The following SH3PXD2A variants were observed in gnomAD, a reference collection of about 807,000 sequenced individuals.
The protein encoded by SH3PXD2A is SH3 and PX domain-containing protein 2A.
Under a neutral mutation model 115.2 loss-of-function variants are expected in SH3PXD2A, and 32 were observed. That is an observed-to-expected ratio of 0.28 (90% CI 0.21 to 0.37). The LOEUF (loss-of-function observed/expected upper bound fraction) is 0.37, where lower values mean the gene tolerates loss of function less well. SH3PXD2A is among the 10% of genes least tolerant of loss of function. SH3PXD2A has a pLI of 1.00. For synonymous variants in SH3PXD2A, 610 were observed against 629.1 expected (o/e 0.97, Z 0.45); for missense variants, 1,328 against 1,498.7 (o/e 0.89, Z 1.88).
At chr10:103,831,119 T>C (rs1203444199) in intron 1 of SH3PXD2A, among the ~76,000 whole-genome samples, 1 of 152,260 alleles carries the variant, frequency 6.6e-6, no homozygotes, top group Non-Finnish European at 1.5e-5. Context: ...TGAATAATTT[T>C]TAATTTACAT....
chr10:103,815,607 T>G (rs552389866), intron 1 of SH3PXD2A, among the ~76,000 whole-genome samples: 1 of 152,008 alleles, frequency 6.6e-6, no homozygotes, highest in East Asian at 1.9e-4. Context: ...AGAAAAATAC[T>G]GGGCCAGGTG....
rs1243054425 is a variant in SH3PXD2A at position 103,746,370 on chromosome 10, A to G, written c.230-10562T>C. ...GGTCTTGCTCTGTTGCCCAGCCTGG[A>G]GTGCAGGGGAGTGATCTCGGCTCAC... On this transcript the variant is annotated intron_variant, in intron 3 of 14. Transcript: ENST00000369774. The surrounding 1 kb of genome is among the most constrained non-coding windows in gnomAD (Gnocchi z 4.4). 6.6e-6 allele frequency among the ~76,000 whole-genome samples: 1 copy of G among 152,040 alleles called. No individual in the cohort carries two copies. The highest frequency in any genetic ancestry group is 6.5e-5 in the Admixed American group (1 of 15,276).
Position 103,615,485 on chromosome 10 carries a change from T to G in SH3PXD2A, c.920+1712A>C, listed in dbSNP as rs372229763. ...AAGGGCGCGATGGAGAGTGCGAGGG[T>G]GTGTGTGTGTGTGTGTGTGTGTGTG... On this transcript the variant is annotated intron_variant, in intron 11 of 14. Coordinates refer to ENST00000369774, the MANE Select transcript of SH3PXD2A (RefSeq NM_001394015.1). 8.1e-4 allele frequency among the ~76,000 whole-genome samples: 24 copies of G among 29,506 alleles called. No homozygotes were observed. In the East Asian group the frequency reaches 8.9e-3, roughly 11 times the overall value. The allele number at this position is 29,506 out of a possible 152,430, so 19.4% of individuals were successfully genotyped here.
intron 3 of SH3PXD2A, among the ~76,000 whole-genome samples, chr10:103,753,091 A>C (rs1171099478): frequency 6.6e-6 from 1 of 152,108 alleles, no homozygotes; most frequent in Non-Finnish European, 1.5e-5. Flanking sequence ...ACCCTGGTGC[A>C]GGCAACATAC....
intron 2 of SH3PXD2A, among the ~76,000 whole-genome samples, chr10:103,769,185 C>CGT (rs1323435183): frequency 2.0e-5 from 3 of 148,654 alleles, no homozygotes; most frequent in South Asian, 2.1e-4. Context: ...TGTGTGTGCG[C>CGT]GCGCGCGCGC....
At chr10:103,822,716 C>G (rs917237222) in intron 1 of SH3PXD2A, among the ~76,000 whole-genome samples, 5 of 152,128 alleles carry the variant, frequency 3.3e-5, no homozygotes, top group African/African-American at 1.2e-4. Flanking sequence ...GAGAATACCC[C>G]CTCTCTCCAA....
At chr10:103,773,129 C>T (rs1343465056) in intron 2 of SH3PXD2A, among the ~76,000 whole-genome samples, 3 of 149,480 alleles carry the variant, frequency 2.0e-5, no homozygotes, top group Non-Finnish European at 4.4e-5. Context: ...GAGGCTGAGG[C>T]AGGTGAATCG....
intron 3 of SH3PXD2A, among the ~76,000 whole-genome samples, chr10:103,742,086 C>T (rs777546340): frequency 9.2e-5 from 14 of 152,312 alleles, no homozygotes; most frequent in Non-Finnish European, 1.8e-4. Context: ...GGGGTTGAGG[C>T]TGCACTGAGT....
At position 103,598,083 on chromosome 10, in the gene SH3PXD2A, G is replaced by A. The variant is rs559767818; in HGVS notation, c.*3733C>T. 1.3e-4 allele frequency: 20 copies of A among 152,726 alleles called. No individual in the cohort carries two copies. Among genetic ancestry groups the A allele is most frequent in the Admixed American group, 4.6e-4 (7 of 15,304 alleles). The allele number at this position is 152,726 out of a possible 1,614,324, so 9.5% of individuals were successfully genotyped here. A position where few individuals can be genotyped will look rare whatever the true frequency, so the allele number is the denominator to read the frequency against. ...ATGGATATAAATGCCTGTAAAATAC[G>A]CTGCTCTAACATCTGAAAGTGATTA... On this transcript the variant is annotated 3_prime_UTR_variant, in exon 15 of 15. Transcript: ENST00000369774.
At chr10:103,640,786 C>T (rs1035007183) in intron 8 of SH3PXD2A, among the ~76,000 whole-genome samples, 1 of 152,092 alleles carries the variant, frequency 6.6e-6, no homozygotes, top group African/African-American at 2.4e-5. Context: ...CAGGCAGTGT[C>T]GGTCAGAAGG....
chr10:103,742,737 G>A (rs775038514), intron 3 of SH3PXD2A, among the ~76,000 whole-genome samples: 2 of 152,212 alleles, frequency 1.3e-5, no homozygotes, highest in Admixed American at 6.5e-5. Context: ...AAGCCCTCGT[G>A]GGGGACAGGG....
chr10:103,681,317 C>A (rs1367795302), intron 6 of SH3PXD2A, among the ~76,000 whole-genome samples: 5 of 152,220 alleles, frequency 3.3e-5, no homozygotes, highest in African/African-American at 1.2e-4. Flanking sequence ...AAGGAGCAGT[C>A]CCATCCAGGC....
intron 3 of SH3PXD2A, among the ~76,000 whole-genome samples, chr10:103,758,292 C>G (rs1183275992): frequency 1.3e-5 from 2 of 152,164 alleles, no homozygotes; most frequent in Non-Finnish European, 2.9e-5. Context: ...TTCTTGCTGT[C>G]CCCCCAAGCC....
At chr10:103,617,933 G>C (rs2036544078) in intron 10 of SH3PXD2A, among the ~76,000 whole-genome samples, 1 of 152,164 alleles carries the variant, frequency 6.6e-6, no homozygotes, top group Admixed American at 6.5e-5. Flanking sequence ...ATGGAACCCA[G>C]GTCTCATGGA....
At chr10:103,623,231 T>A (rs553616097) in intron 9 of SH3PXD2A, among the ~76,000 whole-genome samples, 2 of 151,340 alleles carry the variant, frequency 1.3e-5, no homozygotes, top group South Asian at 4.2e-4. Flanking sequence ...GCTCTGCTCC[T>A]CCTCTCAGGC....
chr10:103,834,214 G>T (rs2039508928), intron 1 of SH3PXD2A, among the ~76,000 whole-genome samples: 1 of 152,252 alleles, frequency 6.6e-6, no homozygotes, highest in African/African-American at 2.4e-5. Context: ...AAGGGCCATG[G>T]GGAGTGGCTG....
At position 103,602,073 on chromosome 10, in the gene SH3PXD2A, G is replaced by C. The variant is rs779383403; in HGVS notation, c.3145C>G (p.Gln1049Glu). 3.1e-6 allele frequency: 5 copies of C among 1,602,660 alleles called. No homozygotes were observed. The highest frequency in any genetic ancestry group is 3.4e-5 in the Admixed American group (2 of 59,416). ...GGGGACACGGGTATGCTGTTGCGCT[G>C]GGCGGGCAGTAGGGGTGAGTCTGAA... is the stretch of plus-strand genomic sequence containing the variant. ...QGSDSPLLPA[Q>E]RNSIPVSPVR... Residue 1049 changes from glutamine (Q) to glutamate (E), a missense_variant, in exon 15 of 15, where the codon CAG becomes GAG. By Grantham distance (29) the Gln-to-Glu change is conservative (BLOSUM62 2). Transcript: ENST00000369774.
rs958095797 is a variant in SH3PXD2A at position 103,594,143 on chromosome 10, C to G, written c.*7673G>C. On this transcript the variant is annotated 3_prime_UTR_variant, in exon 15 of 15. Coordinates refer to ENST00000369774, the MANE Select transcript of SH3PXD2A (RefSeq NM_001394015.1). ...AGTCTAGAAGCATGCCAAGACAGAG[C>G]ATTTTCTGCAGACCAAAGAGTCCCG... is the stretch of plus-strand genomic sequence containing the variant. The G allele has an allele frequency of 1.3e-5, 2 of 152,608 alleles. No individual in the cohort carries two copies. The highest frequency in any genetic ancestry group is 4.8e-5 in the African/African-American group (2 of 41,436). The allele number at this position is 152,608 out of a possible 1,614,324, so 9.5% of individuals were successfully genotyped here.
At position 103,728,897 on chromosome 10, in the gene SH3PXD2A, G is replaced by GT. The variant is rs57283527; in HGVS notation, c.307-4537dup. ...AGTTGTTTTTTTTGTTTGTTTGTTT[G>GT]TTTTTTTTTTTTTGAGACAAAGTCT... is the stretch of plus-strand genomic sequence containing the variant. On this transcript the variant is annotated intron_variant, in intron 4 of 14. Coordinates refer to ENST00000369774, the MANE Select transcript of SH3PXD2A (RefSeq NM_001394015.1). Among the ~76,000 whole-genome samples the GT allele has an allele frequency of 2.7e-3, 360 of 135,802 alleles. 3 individuals are homozygous for GT. The highest frequency in any genetic ancestry group is 4.9e-3 in the Admixed American group (67 of 13,588). 89.1% of individuals were successfully genotyped at this position (135,802 alleles called of 152,430 possible). A position where few individuals can be genotyped will look rare whatever the true frequency, so the allele number is the denominator to read the frequency against.
Sources: gnomAD v4.1 joint callset for allele counts (sites outside exome capture counted in the v4.1 genomes callset) on GRCh38, gnomAD v4.1.1 for gene constraint, Gnocchi (gnomAD v3.1) non-coding constraint, MANE v1.5 for transcripts, NCBI Gene and HGNC (gene_info 2026-07-23, HGNC 2026-07-21) for gene names.